Variants in MAP2K4 observed in about 807,000 individuals in gnomAD.
The protein encoded by MAP2K4 is dual specificity mitogen-activated protein kinase kinase 4.
MAP2K4 carries 4 observed loss-of-function variants against 48.5 expected under a neutral mutation model. The observed-to-expected ratio is 0.08, with a 90% CI of 0.04 to 0.19. MAP2K4 has a LOEUF of 0.19. MAP2K4 is among the 10% of genes least tolerant of loss of function. MAP2K4 has a pLI of 1.00. For missense variants in MAP2K4, 258 were observed against 493.3 expected (o/e 0.52, Z 4.52); for synonymous variants, 166 against 173.1 (o/e 0.96, Z 0.32).
intron 1 of MAP2K4, among the ~76,000 whole-genome samples, chr17:12,023,121 A>G (rs1371028679): frequency 1.3e-5 from 2 of 152,262 alleles, no homozygotes; most frequent in East Asian, 1.9e-4. Context: ...TTTTTTATCA[A>G]TATTGTGTCT....
chr17:12,128,754 C>G (rs1244343484), intron 8 of MAP2K4, among the ~76,000 whole-genome samples: 1 of 152,200 alleles, frequency 6.6e-6, no homozygotes, highest in Non-Finnish European at 1.5e-5. Flanking sequence ...CCAAGGCCTT[C>G]CTCTAAGATG....
rs71367376 is a variant in MAP2K4 at position 12,060,728 on chromosome 17, G to GGGGGGTGTGT, written c.218+5738_218+5739insGGGGTGTGTG. Among the ~76,000 whole-genome samples, 4 of 150,352 alleles carry GGGGGGTGTGT rather than the reference G, an allele frequency of 2.7e-5. No individual in the cohort carries two copies. In the Admixed American group the frequency reaches 2.7e-4, roughly 10 times the overall value. ...ATCTCAAATGTGTTAAATACTATGG[G>GGGGGGTGTGT]GTGTGTGTGTGTGTGTGTGCGCGCG... is the stretch of plus-strand genomic sequence containing the variant. On this transcript the variant is annotated intron_variant, in intron 2 of 10. Coordinates refer to ENST00000353533, the MANE Select transcript of MAP2K4 (RefSeq NM_003010.4).
chr17:12,095,853 C>T (rs1211087918), intron 4 of MAP2K4, among the ~76,000 whole-genome samples, 159 bp downstream of exon 4: 2 of 151,524 alleles, frequency 1.3e-5, no homozygotes, highest in Non-Finnish European at 2.9e-5. Context: ...TAACTTCTGA[C>T]TCTTTTTGCG....
chr17:12,117,856 G>A (rs1972553028), intron 7 of MAP2K4, among the ~76,000 whole-genome samples: 1 of 152,174 alleles, frequency 6.6e-6, no homozygotes. Context: ...AGAAACTGCT[G>A]AAGTTCTGTG....
chr17:12,025,044 T>G (rs1234764844), intron 1 of MAP2K4, among the ~76,000 whole-genome samples: 1 of 152,244 alleles, frequency 6.6e-6, no homozygotes, highest in African/African-American at 2.4e-5. Context: ...GCTTCTATAA[T>G]GAAATTGCAT....
At chr17:12,032,573 G>A (rs1969473559) in intron 1 of MAP2K4, among the ~76,000 whole-genome samples, 1 of 152,022 alleles carries the variant, frequency 6.6e-6, no homozygotes. Context: ...GTATATATAG[G>A]TATTCAGACT....
intron 1 of MAP2K4, 131 bp from the exon 2 acceptor site, chr17:12,054,758 A>G (rs1189196067): frequency 3.9e-6 from 2 of 509,750 alleles, no homozygotes; most frequent in African/African-American, 1.9e-5. Context: ...ATTGCCTTTC[A>G]AAATATTGTC....
intron 3 of MAP2K4, among the ~76,000 whole-genome samples, chr17:12,094,817 C>G (rs955449243): frequency 6.6e-6 from 1 of 152,104 alleles, no homozygotes; most frequent in African/African-American, 2.4e-5. Flanking sequence ...TATCCCTGGT[C>G]TGCAGTATAT....
At chr17:12,059,368 G>T (rs1970380982) in intron 2 of MAP2K4, among the ~76,000 whole-genome samples, 1 of 152,204 alleles carries the variant, frequency 6.6e-6, no homozygotes, top group Admixed American at 6.5e-5. Context: ...ATATGAATTT[G>T]ACAAACAGAA....
At chr17:12,043,573 C>T (rs989803679) in intron 1 of MAP2K4, among the ~76,000 whole-genome samples, 4 of 152,012 alleles carry the variant, frequency 2.6e-5, no homozygotes, top group Admixed American at 2.6e-4. Flanking sequence ...GACCACAACC[C>T]CCATCAAGTT....
At chr17:12,021,077 C>T (rs1281201287) in intron 1 of MAP2K4, 76 bp downstream of exon 1, 4 of 889,570 alleles carry the variant, frequency 4.5e-6, no homozygotes, top group Non-Finnish European at 5.8e-6. Flanking sequence ...CCCCAGCGGA[C>T]GCCCCCGGAC....
chr17:12,073,363 T>C (rs1165138804), intron 2 of MAP2K4, among the ~76,000 whole-genome samples: 1 of 152,222 alleles, frequency 6.6e-6, no homozygotes. Flanking sequence ...AACAGTATAG[T>C]GCTGCCCAGT....
intron 2 of MAP2K4, among the ~76,000 whole-genome samples, chr17:12,068,976 G>A (rs1597434094): frequency 1.3e-5 from 2 of 152,118 alleles, no homozygotes; most frequent in East Asian, 3.9e-4. Context: ...CCAGGGCTGA[G>A]CCCCAAGAAA....
chr17:12,065,368 G>A (rs1052754911), intron 2 of MAP2K4, among the ~76,000 whole-genome samples: 8 of 147,804 alleles, frequency 5.4e-5, no homozygotes, highest in Admixed American at 2.7e-4. Flanking sequence ...GTGCGATCTC[G>A]GCTCACTGCA....
chr17:12,067,228 T>G lies in MAP2K4; in HGVS notation c.218+12237T>G, dbSNP rs1410302010. On this transcript the variant is annotated intron_variant, in intron 2 of 10. Coordinates refer to ENST00000353533, the MANE Select transcript of MAP2K4 (RefSeq NM_003010.4). ...ATTTAGATTATTTTCATTGTTGAAT[T>G]AAAAACAATGTTTTAGAGAACAACT... Among the ~76,000 whole-genome samples the G allele has an allele frequency of 3.9e-5, 6 of 152,248 alleles. No homozygotes were observed. The East Asian group carries it at 1.2e-3, about 29-fold the overall frequency.
chr17:12,135,335 C>T lies in MAP2K4; in HGVS notation c.1041-4504C>T, dbSNP rs371641669. On this transcript the variant is annotated intron_variant, in intron 9 of 10. Transcript: ENST00000353533. ...TTGACCTCAGGTGATCCGCCTGCCTCGGCCTCCCAAAGTGTTGGGATTACA... is the reference window on the plus strand; with the variant it reads ...TTGACCTCAGGTGATCCGCCTGCCTTGGCCTCCCAAAGTGTTGGGATTACA... 2.2e-4 allele frequency among the ~76,000 whole-genome samples: 33 copies of T among 152,242 alleles called. No individual in the cohort carries two copies. In the East Asian group the frequency reaches 3.3e-3, roughly 15 times the overall value.
intron 9 of MAP2K4, 116 bp downstream of exon 9, chr17:12,129,403 T>TA: frequency 8.3e-7 from 1 of 1,211,040 alleles, no homozygotes; most frequent in South Asian, 1.4e-5. Context: ...CACATCACCC[T>TA]ACTTTTCAAG....
intron 2 of MAP2K4, among the ~76,000 whole-genome samples, chr17:12,066,132 C>CTTTTTTT (rs1461271291): frequency 7.1e-6 from 1 of 140,804 alleles, no homozygotes. Flanking sequence ...TTGTTTCTTT[C>CTTTTTTT]TTTCTTTTTT....
intron 1 of MAP2K4, among the ~76,000 whole-genome samples, chr17:12,025,400 T>A (rs1969223181): frequency 6.6e-6 from 1 of 152,242 alleles, no homozygotes; most frequent in Non-Finnish European, 1.5e-5. Context: ...CATGATTATT[T>A]GCCTGCTGTA....
Sources: gnomAD v4.1 joint callset for allele counts (sites outside exome capture counted in the v4.1 genomes callset) on GRCh38, gnomAD v4.1.1 for gene constraint, MANE v1.5 for transcripts, NCBI Gene and HGNC (gene_info 2026-07-23, HGNC 2026-07-21) for gene names.